ADGRV1: variants seen among roughly 807,000 people sequenced by gnomAD.
ADGRV1 encodes adhesion G protein-coupled receptor V1.
A neutral mutation model predicts 596.2 loss-of-function variants in ADGRV1; 359 were observed. That is an observed-to-expected ratio of 0.60 (90% CI 0.55 to 0.66). The LOEUF is 0.66. ADGRV1 is among the 30% of genes least tolerant of loss of function. The pLI is 0.00. For missense variants in ADGRV1, 7,274 were observed against 7,575.6 expected (o/e 0.96, Z 1.48); for synonymous variants, 2,681 against 2,679.2 (o/e 1.00, Z -0.02).
rs532605331 is a variant in ADGRV1, at chr5:90,779,004, G to A, written c.12989G>A (p.Arg4330Lys). The A allele has an allele frequency of 2.7e-4, 436 of 1,613,330 alleles. 4 individuals are homozygous for A. The South Asian group carries it at 4.5e-3, about 17-fold the overall frequency. ...CTCCTCTTTGAAGCAGGGGAGATGA[G>A]GAAAAGTCTGCATGTTGAAATCCTT... Reference protein sequence around the residue: ...GELLFEAGEMRKSLHVEILDD... With the variant: ...GELLFEAGEMKKSLHVEILDD... Residue 4330 changes from arginine (R) to lysine (K), a missense_variant, in exon 64 of 90, where the codon AGG becomes AAG. Arg to Lys is a conservative substitution (Grantham distance 26, BLOSUM62 2). Coordinates refer to ENST00000405460, the MANE Select transcript of ADGRV1 (RefSeq NM_032119.4).
chr5:90,986,203 G>A (rs992597387), intron 85 of ADGRV1, among the ~76,000 whole-genome samples: 2 of 150,314 alleles, frequency 1.3e-5, no homozygotes, highest in Non-Finnish European at 3.0e-5. Context: ...ACATGTAGGG[G>A]GTGGAAAAAC....
At chr5:91,016,638 G>C (rs1783194689) in intron 85 of ADGRV1, among the ~76,000 whole-genome samples, 1 of 151,900 alleles carries the variant, frequency 6.6e-6, no homozygotes. Context: ...GTGGCAAATG[G>C]TGAAAATCAG....
At chr5:90,945,103 G>A (rs1007205406) in intron 83 of ADGRV1, among the ~76,000 whole-genome samples, 10 of 152,082 alleles carry the variant, frequency 6.6e-5, no homozygotes, top group Non-Finnish European at 1.3e-4. Context: ...TGGTTATAGT[G>A]TTGATTACAG....
At chr5:91,107,794 C>A (rs1792023092) in intron 87 of ADGRV1, among the ~76,000 whole-genome samples, 1 of 151,892 alleles carries the variant, frequency 6.6e-6, no homozygotes. Context: ...TAAATATAAG[C>A]CTTAGGATTA....
chr5:91,051,996 T>C (rs919929085), intron 85 of ADGRV1, among the ~76,000 whole-genome samples: 61 of 152,220 alleles, frequency 4.0e-4, no homozygotes, highest in African/African-American at 1.4e-3. Flanking sequence ...TGAAGACCAC[T>C]TGTGACTTTA....
chr5:90,619,198 A>G lies in ADGRV1; in HGVS notation c.453+17A>G. ...TTTAATATGGTATGGACACAATTTG[A>G]TGATAATTGTGGTTGCTAGATAATA... On this transcript the variant is annotated intron_variant, in intron 4 of 89. Coordinates refer to ENST00000405460, the MANE Select transcript of ADGRV1 (RefSeq NM_032119.4). 8.8e-7 allele frequency: 1 copy of G among 1,131,062 alleles called. No homozygotes were observed. The highest frequency in any genetic ancestry group is 1.2e-6 in the Non-Finnish European group (1 of 812,234). The allele number at this position is 1,131,062 out of a possible 1,614,324, so 70.1% of individuals were successfully genotyped here.
chr5:90,835,241 A>G (rs1764878128), intron 77 of ADGRV1, among the ~76,000 whole-genome samples: 1 of 152,242 alleles, frequency 6.6e-6, no homozygotes, highest in Non-Finnish European at 1.5e-5. Context: ...TATTGCAGCC[A>G]TATCTGCATT....
At chr5:91,097,394 G>T (rs1326971345) in intron 86 of ADGRV1, among the ~76,000 whole-genome samples, 1 of 152,148 alleles carries the variant, frequency 6.6e-6, no homozygotes, top group Non-Finnish European at 1.5e-5. Context: ...TATAAAGTTT[G>T]GGGGGACACA....
chr5:90,579,206 G>T (rs373020373), intron 1 of ADGRV1, among the ~76,000 whole-genome samples: 4 of 152,036 alleles, frequency 2.6e-5, no homozygotes, highest in Non-Finnish European at 4.4e-5. Context: ...TTACGGTGCC[G>T]ATTTTAGATC....
At position 90,694,839 on chromosome 5, in the gene ADGRV1, T is replaced by C; in HGVS notation, c.7945+138T>C. Reference sequence around the variant, plus strand: ...AATGTAGTTTGGCTTTAGAAAAAAATAGAAGTTAATTGGCTTGTTAATGGT... The same window carrying C: ...AATGTAGTTTGGCTTTAGAAAAAAACAGAAGTTAATTGGCTTGTTAATGGT... On this transcript the variant is annotated intron_variant, in intron 33 of 89. Transcript: ENST00000405460. 3 of 762,556 alleles carry C rather than the reference T, an allele frequency of 3.9e-6. No individual in the cohort carries two copies. The East Asian group carries it at 8.2e-5, about 21-fold the overall frequency. 47.2% of individuals were successfully genotyped at this position (762,556 alleles called of 1,614,324 possible).
chr5:90,952,554 A>G (rs147198511), intron 83 of ADGRV1, among the ~76,000 whole-genome samples: 108 of 152,314 alleles, frequency 7.1e-4, no homozygotes, highest in African/African-American at 2.4e-3. Context: ...AGGCTGATCT[A>G]TAGATATCCA....
chr5:90,815,789 A>C, intron 75 of ADGRV1, 53 bp downstream of exon 75: 3 of 1,032,006 alleles, frequency 2.9e-6, no homozygotes, highest in Non-Finnish European at 4.4e-6. Flanking sequence ...GTCTGTACAA[A>C]TGTAATTTCA....
chr5:90,686,975 G>A (rs1355940934), intron 29 of ADGRV1, among the ~76,000 whole-genome samples: 2 of 152,142 alleles, frequency 1.3e-5, no homozygotes, highest in African/African-American at 2.4e-5. Flanking sequence ...GTGATGATGA[G>A]CATTTCTTCA....
chr5:91,083,256 G>T (rs1262494920), intron 86 of ADGRV1, among the ~76,000 whole-genome samples: 5 of 151,696 alleles, frequency 3.3e-5, no homozygotes, highest in African/African-American at 1.2e-4. Flanking sequence ...TAGGGGGGAT[G>T]GGGGAGGGAT....
intron 75 of ADGRV1, among the ~76,000 whole-genome samples, chr5:90,823,029 G>A (rs1763725969): frequency 6.6e-6 from 1 of 152,292 alleles, no homozygotes; most frequent in Non-Finnish European, 1.5e-5. Flanking sequence ...GAGATTCTGG[G>A]CTGAGATGAT....
intron 85 of ADGRV1, among the ~76,000 whole-genome samples, chr5:91,060,354 C>G (rs1407828654): frequency 6.7e-6 from 1 of 148,708 alleles, no homozygotes; most frequent in Non-Finnish European, 1.5e-5. Context: ...CTCCACCATG[C>G]CTGGCAATTT....
intron 29 of ADGRV1, 69 bp downstream of exon 29, chr5:90,686,064 T>C: frequency 2.1e-6 from 2 of 934,962 alleles, no homozygotes; most frequent in Non-Finnish European, 2.9e-6. Flanking sequence ...GTATCCTTGA[T>C]TAACACAGCC....
Position 90,642,666 on chromosome 5 carries a change from T to C in ADGRV1, c.2271T>C (p.Ser757=). Residue 757 remains serine, a synonymous_variant, in exon 12 of 90, where the codon TCT becomes TCC. Transcript: ENST00000405460. Reference sequence around the variant, plus strand: ...ACGTGGAAAACCAAGTGCTGAAATCTGGATATACTAGCCGTGACCTAATTA... The same window carrying C: ...ACGTGGAAAACCAAGTGCTGAAATCCGGATATACTAGCCGTGACCTAATTA... The part of the protein sequence containing the change: ...RVNVENQVLK[S]GYTSRDLIIL... 6.2e-7 allele frequency: 1 copy of C among 1,613,538 alleles called. No individual in the cohort carries two copies. The highest frequency in any genetic ancestry group is 8.5e-7 in the Non-Finnish European group (1 of 1,179,562).
chr5:90,567,383 T>G (rs1325660037), intron 1 of ADGRV1, among the ~76,000 whole-genome samples: 1 of 152,168 alleles, frequency 6.6e-6, no homozygotes, highest in Non-Finnish European at 1.5e-5. Flanking sequence ...TGTGAAGGGT[T>G]GATGTTAATT....
Sources: gnomAD v4.1 joint callset for allele counts (sites outside exome capture counted in the v4.1 genomes callset) on GRCh38, gnomAD v4.1.1 for gene constraint, MANE v1.5 for transcripts, NCBI Gene and HGNC (gene_info 2026-07-23, HGNC 2026-07-21) for gene names.